TMEM65: variants seen among roughly 807,000 people sequenced by gnomAD.
TMEM65 encodes transmembrane protein 65.
TMEM65 carries 22 observed loss-of-function variants against 25.4 expected under a neutral mutation model. That is an observed-to-expected ratio of 0.86 (90% CI 0.62 to 1.23). The LOEUF is 1.23. Among genes scored for constraint, TMEM65 ranks in the 50% most tolerant of loss-of-function variants. The pLI is 0.00. For synonymous variants in TMEM65, 132 were observed against 126.2 expected (o/e 1.05, Z -0.31); for missense variants, 262 against 308.2 (o/e 0.85, Z 1.12).
intron 1 of TMEM65, among the ~76,000 whole-genome samples, chr8:124,333,218 A>G (rs1369549895): frequency 6.6e-6 from 1 of 152,094 alleles, no homozygotes; most frequent in Non-Finnish European, 1.5e-5. Context: ...GAACTTGTAA[A>G]TCAGCCCAAG....
rs2131237463 is a variant in TMEM65, at chr8:124,372,215, C to A, written c.-58G>T. 8.1e-7 allele frequency: 1 copy of A among 1,231,852 alleles called. No homozygotes were observed. Among genetic ancestry groups the A allele is most frequent in the Admixed American group, 4.6e-5 (1 of 21,576 alleles). 76.3% of individuals were successfully genotyped at this position (1,231,852 alleles called of 1,614,324 possible). A position where few individuals can be genotyped will look rare whatever the true frequency, so the allele number is the denominator to read the frequency against. Reference sequence around the variant, plus strand: ...TCCGGCAAGGCGGTTTCTGGCGCGGCTGAGGCGAGAAGGAGCTGGGCTCAG... The same window carrying A: ...TCCGGCAAGGCGGTTTCTGGCGCGGATGAGGCGAGAAGGAGCTGGGCTCAG... On this transcript the variant is annotated 5_prime_UTR_variant, in exon 1 of 7. Coordinates refer to ENST00000297632, the MANE Select transcript of TMEM65 (RefSeq NM_194291.3).
chr8:124,319,047 C>G (rs949126114), intron 6 of TMEM65, among the ~76,000 whole-genome samples: 2 of 152,102 alleles, frequency 1.3e-5, no homozygotes, highest in African/African-American at 4.8e-5. Context: ...GAAATAAGAT[C>G]TTATTTTGTT....
At chr8:124,321,544 A>T (rs1814303398) in intron 5 of TMEM65, among the ~76,000 whole-genome samples, 1 of 152,090 alleles carries the variant, frequency 6.6e-6, no homozygotes, top group African/African-American at 2.4e-5. Context: ...CTGCCACATA[A>T]AGTAAAGAGA....
intron 3 of TMEM65, among the ~76,000 whole-genome samples, chr8:124,325,822 C>G (rs1814359997): frequency 6.6e-6 from 1 of 151,970 alleles, no homozygotes. Flanking sequence ...TAAGGCTAGA[C>G]TATATAGCAA....
At chr8:124,351,017 C>CACTGTAAGACTGT (rs1814699834) in intron 1 of TMEM65, 1 of 985,080 alleles carries the variant, frequency 1.0e-6, no homozygotes, top group Admixed American at 6.2e-5. Context: ...TTGCAATCAA[C>CACTGTAAGACTGT]ACTGTAAGAC....
At chr8:124,349,628 C>T (rs1814681280) in intron 1 of TMEM65, among the ~76,000 whole-genome samples, 1 of 152,198 alleles carries the variant, frequency 6.6e-6, no homozygotes, top group Non-Finnish European at 1.5e-5. Flanking sequence ...ACTAAATCTT[C>T]AGCAGGTTAC....
chr8:124,332,608 A>G (rs1248266208), intron 1 of TMEM65, among the ~76,000 whole-genome samples: 2 of 152,102 alleles, frequency 1.3e-5, no homozygotes, highest in African/African-American at 4.8e-5. Flanking sequence ...GCAATAACAA[A>G]TGTTAAGAGA....
At chr8:124,327,625 A>T (rs1309760586) in intron 2 of TMEM65, among the ~76,000 whole-genome samples, 1 of 151,786 alleles carries the variant, frequency 6.6e-6, no homozygotes, top group Non-Finnish European at 1.5e-5. Context: ...AAAAGTATAA[A>T]ACATGTAAAA....
chr8:124,322,262 C>T (rs2131197628), intron 4 of TMEM65, 115 bp from the exon 5 acceptor site: 1 of 722,968 alleles, frequency 1.4e-6, no homozygotes, highest in Non-Finnish European at 2.2e-6. Context: ...CAACAGCAAC[C>T]ATATCCAAAG....
At chr8:124,363,721 C>T (rs1814901200) in intron 1 of TMEM65, among the ~76,000 whole-genome samples, 1 of 150,876 alleles carries the variant, frequency 6.6e-6, no homozygotes, top group African/African-American at 2.4e-5. Flanking sequence ...CCTGTAGTCC[C>T]AGCTACTTGG....
intron 1 of TMEM65, among the ~76,000 whole-genome samples, chr8:124,371,393 C>T (rs1815009123): frequency 6.6e-6 from 1 of 152,198 alleles, no homozygotes; most frequent in Admixed American, 6.5e-5. Flanking sequence ...ATTTGATAAC[C>T]GTTCAAAAAG....
rs1362098269 is a variant in TMEM65 at position 124,313,443 on chromosome 8, C to T, written c.*517G>A. The T allele has an allele frequency of 2.0e-5, 3 of 151,810 alleles. No homozygotes were observed. The highest frequency in any genetic ancestry group is 7.3e-5 in the African/African-American group (3 of 41,352). 9.4% of individuals were successfully genotyped at this position (151,810 alleles called of 1,614,324 possible). A position where few individuals can be genotyped will look rare whatever the true frequency, so the allele number is the denominator to read the frequency against. ...CTATATCCATTTTCAATAGATGTGA[C>T]AGTTAAGAAATGACTGAAATTATAT... On this transcript the variant is annotated 3_prime_UTR_variant, in exon 7 of 7. Coordinates refer to ENST00000297632, the MANE Select transcript of TMEM65 (RefSeq NM_194291.3).
At chr8:124,356,438 A>T (rs1321980053) in intron 1 of TMEM65, among the ~76,000 whole-genome samples, 3 of 152,222 alleles carry the variant, frequency 2.0e-5, no homozygotes, top group Non-Finnish European at 4.4e-5. Flanking sequence ...TTTCTGACTT[A>T]TGAGTAAAGA....
At chr8:124,328,163 T>C (rs779521716) in intron 2 of TMEM65, among the ~76,000 whole-genome samples, 11 of 152,076 alleles carry the variant, frequency 7.2e-5, no homozygotes, top group Non-Finnish European at 1.2e-4. Flanking sequence ...CCTAGCACTT[T>C]GGGAGGCTGA....
intron 1 of TMEM65, among the ~76,000 whole-genome samples, chr8:124,331,482 T>C (rs1053240320): frequency 6.9e-6 from 1 of 144,714 alleles, no homozygotes; most frequent in African/African-American, 2.6e-5. Flanking sequence ...ATTCCATACA[T>C]TAAAACAACT....
chr8:124,325,027 T>A (rs1053783940), intron 3 of TMEM65, among the ~76,000 whole-genome samples: 1 of 152,018 alleles, frequency 6.6e-6, no homozygotes, highest in African/African-American at 2.4e-5. Context: ...TAAAAATATT[T>A]TTTAAACTAT....
chr8:124,371,854 C>A lies in TMEM65; in HGVS notation c.304G>T (p.Glu102Ter). Residue 102 changes from glutamate to a stop codon, truncating the protein, a stop_gained and splice_region_variant, in exon 1 of 7, where the codon GAA becomes TAA. Coordinates refer to ENST00000297632, the MANE Select transcript of TMEM65 (RefSeq NM_194291.3). LOFTEE classifies it high-confidence loss of function. ...CTCGCCCCCCACCTGCCCCCCTTAC[C>A]TTGGGCAATGGCAATAGACTCGAAG... ...HRFESIAIAQ[E>*]KLEAPPPTPG... 1 of 1,529,746 alleles carries A rather than the reference C, an allele frequency of 6.5e-7. No homozygotes were observed. 94.8% of individuals were successfully genotyped at this position (1,529,746 alleles called of 1,614,324 possible). A position where few individuals can be genotyped will look rare whatever the true frequency, so the allele number is the denominator to read the frequency against.
chr8:124,354,063 G>T (rs1439560936), intron 1 of TMEM65, among the ~76,000 whole-genome samples: 1 of 152,046 alleles, frequency 6.6e-6, no homozygotes, highest in East Asian at 1.9e-4. Context: ...TGTCAAAGAT[G>T]CATAACTGAA....
rs370300455 is a variant in TMEM65, at chr8:124,325,314, TTAAGA to T, written c.418-1944_418-1940del. ...TTTAATTAAAAGATGAAAAACATTC[TTAAGA>T]TAATAATCACTTATTTCCCCTTTCA... On this transcript the variant is annotated intron_variant, in intron 3 of 6. Transcript: ENST00000297632. Among the ~76,000 whole-genome samples the T allele has an allele frequency of 3.7e-4, 56 of 152,170 alleles. No individual in the cohort carries two copies. The East Asian group carries it at 4.0e-3, about 11-fold the overall frequency.
Sources: allele counts gnomAD v4.1 joint callset (sites outside exome capture counted in the v4.1 genomes callset), GRCh38; gene constraint gnomAD v4.1.1; transcripts MANE v1.5; gene names NCBI Gene and HGNC (gene_info 2026-07-23, HGNC 2026-07-21).